The following CBFA2T2 variants were observed in gnomAD, a reference collection of about 807,000 sequenced individuals.
CBFA2T2 encodes protein CBFA2T2.
In CBFA2T2, 11 loss-of-function variants were observed where a neutral mutation model predicts 62.2. That is an observed-to-expected ratio of 0.18 (90% CI 0.11 to 0.29). The LOEUF (loss-of-function observed/expected upper bound fraction) is 0.29, where lower values mean the gene tolerates loss of function less well. CBFA2T2 is among the 10% of genes least tolerant of loss of function. The pLI, the probability that CBFA2T2 is intolerant of heterozygous loss-of-function variation, is 1.00. For missense variants in CBFA2T2, 592 were observed against 774.1 expected (o/e 0.76, Z 2.79); for synonymous variants, 295 against 287.5 (o/e 1.03, Z -0.27).
intron 4 of CBFA2T2, 38 bp from the exon 5 acceptor site, chr20:33,623,077 A>T: frequency 1.2e-6 from 2 of 1,608,562 alleles, no homozygotes; most frequent in South Asian, 1.1e-5. Flanking sequence ...CTTCTTGTGT[A>T]GGGCCTAACA....
intron 3 of CBFA2T2, among the ~76,000 whole-genome samples, chr20:33,616,078 G>GAGATGGAT (rs1491173629): frequency 2.8e-5 from 4 of 143,194 alleles, no homozygotes; most frequent in African/African-American, 1.1e-4. Flanking sequence ...TCTGTAGATA[G>GAGATGGAT]AGATAGATAG....
chr20:33,564,370 C>G (rs2013208630), intron 1 of CBFA2T2, among the ~76,000 whole-genome samples: 1 of 151,116 alleles, frequency 6.6e-6, no homozygotes, highest in South Asian at 2.1e-4. Flanking sequence ...TCAAGCTATT[C>G]TGCCTCAGCC....
chr20:33,555,072 G>A lies in CBFA2T2; in HGVS notation c.35-51884G>A, dbSNP rs142042662. Among the ~76,000 whole-genome samples the A allele has an allele frequency of 3.5e-3, 535 of 152,310 alleles. 4 individuals carry two copies. The highest frequency in any genetic ancestry group is 0.012 in the African/African-American group (511 of 41,572). On this transcript the variant is annotated intron_variant, in intron 1 of 10. Transcript: ENST00000342704. The stretch of plus-strand genomic sequence containing the variant: ...AGAAGCAGGCTTTTATAGGCTGAAC[G>A]CTGTAGCAAAGTAAAGGAATTACTT...
rs189020541 is a variant in CBFA2T2, at chr20:33,557,960, C to G, written c.35-48996C>G. Among the ~76,000 whole-genome samples the G allele has an allele frequency of 1.1e-3, 172 of 152,102 alleles. 2 individuals are homozygous for G. In the East Asian group the frequency reaches 0.018, roughly 16 times the overall value. On this transcript the variant is annotated intron_variant, in intron 1 of 10. Coordinates refer to ENST00000342704, the MANE Select transcript of CBFA2T2 (RefSeq NM_001032999.3). ...AAGTGATTCTTCTGCCTAAGCCTCC[C>G]AAGTAGCTGGGATTTCAGGTGCCAG...
chr20:33,562,721 C>T, intron 1 of CBFA2T2: 1 of 968,668 alleles, frequency 1.0e-6, no homozygotes, highest in Non-Finnish European at 1.2e-6. Flanking sequence ...GCACAATTCT[C>T]TGCCTTTCAA....
intron 1 of CBFA2T2, 82 bp downstream of exon 1, chr20:33,490,383 C>G: frequency 8.4e-7 from 1 of 1,195,104 alleles, no homozygotes; most frequent in Non-Finnish European, 1.0e-6. Context: ...CCGAGTGCCC[C>G]GGGCGCGAGG....
intron 1 of CBFA2T2, among the ~76,000 whole-genome samples, chr20:33,498,268 T>C (rs1482585553): frequency 8.7e-5 from 13 of 148,676 alleles, no homozygotes; most frequent in Non-Finnish European, 1.3e-4. Flanking sequence ...TTTTTTGAGA[T>C]GGAGTTTCCC....
intron 1 of CBFA2T2, among the ~76,000 whole-genome samples, chr20:33,576,363 C>T (rs2013826895): frequency 6.6e-6 from 1 of 152,168 alleles, no homozygotes; most frequent in Non-Finnish European, 1.5e-5. Flanking sequence ...GATACTTGCC[C>T]TGCCAGAGTG....
At chr20:33,617,969 T>A (rs1456680572) in intron 3 of CBFA2T2, among the ~76,000 whole-genome samples, 1 of 152,210 alleles carries the variant, frequency 6.6e-6, no homozygotes, top group Non-Finnish European at 1.5e-5. Flanking sequence ...AAATATATGA[T>A]ATAATATGCA....
chr20:33,623,952 TGGA>T (rs1568860600), intron 5 of CBFA2T2: 5 of 452,052 alleles, frequency 1.1e-5, no homozygotes, highest in South Asian at 7.7e-5. Flanking sequence ...TAGAAAGAAT[TGGA>T]AAAAAAAAAA....
At chr20:33,516,056 G>A (rs1206195072) in intron 1 of CBFA2T2, among the ~76,000 whole-genome samples, 4 of 152,042 alleles carry the variant, frequency 2.6e-5, no homozygotes, top group African/African-American at 9.7e-5. Context: ...AGGAGGCTAA[G>A]CCCAGGAGGT....
Position 33,636,705 on chromosome 20 carries a change from A to T in CBFA2T2, c.1294A>T (p.Thr432Ser). Reference sequence around the variant, plus strand: ...CGTACCTGTGGAGTTTTGGAAAAAAACAGGTATGTGTCTGACTGCTTGTAG... The same window carrying T: ...CGTACCTGTGGAGTTTTGGAAAAAATCAGGTATGTGTCTGACTGCTTGTAG... ...GYVPVEFWKK[T>S]EEAVNKVKIQ... The change falls in exon 9 of 11, where the codon ACA becomes TCA. Residue 432 changes from threonine to serine, a missense_variant. Thr to Ser is a moderately conservative substitution (Grantham distance 58). Transcript: ENST00000342704. 2 of 1,611,384 alleles carry T rather than the reference A, an allele frequency of 1.2e-6. No homozygotes were observed. Among genetic ancestry groups the T allele is most frequent in the South Asian group, 1.1e-5 (1 of 91,006 alleles).
Position 33,647,750 on chromosome 20 carries a change from T to C in CBFA2T2, c.*3104T>C, listed in dbSNP as rs147389656. 1.2e-3 allele frequency: 180 copies of C among 152,424 alleles called. No individual in the cohort carries two copies. Among genetic ancestry groups the C allele is most frequent in the African/African-American group, 4.1e-3 (171 of 41,574 alleles). The allele number at this position is 152,424 out of a possible 1,614,324, so 9.4% of individuals were successfully genotyped here. A position where few individuals can be genotyped will look rare whatever the true frequency, so the allele number is the denominator to read the frequency against. On this transcript the variant is annotated 3_prime_UTR_variant, in exon 11 of 11. Coordinates refer to ENST00000342704, the MANE Select transcript of CBFA2T2 (RefSeq NM_001032999.3). ...TTGGTGTGCAGAGCCTGGCCTGCTC[T>C]TGTGGGCTGTGGTTGCTGTGACAGT... is the stretch of plus-strand genomic sequence containing the variant.
chr20:33,540,380 T>C (rs1165945472), intron 1 of CBFA2T2, among the ~76,000 whole-genome samples: 1 of 152,208 alleles, frequency 6.6e-6, no homozygotes, highest in Non-Finnish European at 1.5e-5. Context: ...TATGTAAACC[T>C]GTAATAGTAG....
At chr20:33,519,449 A>G (rs759362432) in intron 1 of CBFA2T2, among the ~76,000 whole-genome samples, 1 of 152,174 alleles carries the variant, frequency 6.6e-6, no homozygotes, top group African/African-American at 2.4e-5. Flanking sequence ...CAGTCTGGGC[A>G]ACAGTGCGAG....
At chr20:33,595,221 T>C (rs116204585) in intron 1 of CBFA2T2, among the ~76,000 whole-genome samples, 1 of 151,922 alleles carries the variant, frequency 6.6e-6, no homozygotes, top group African/African-American at 2.4e-5. Flanking sequence ...TTGAAAAAAT[T>C]TTTTTTTTGA....
intron 1 of CBFA2T2, among the ~76,000 whole-genome samples, chr20:33,509,973 C>G (rs914417868): frequency 6.6e-6 from 1 of 151,930 alleles, no homozygotes; most frequent in African/African-American, 2.4e-5. Flanking sequence ...TGCCCCCTGC[C>G]CCCCACCCCA....
intron 1 of CBFA2T2, among the ~76,000 whole-genome samples, chr20:33,560,741 C>CTATA (rs137879338): frequency 1.3e-5 from 2 of 150,104 alleles, no homozygotes; most frequent in East Asian, 1.9e-4. Context: ...ACCTGTTTGA[C>CTATA]TATATATATA....
At chr20:33,574,613 A>G (rs1417485089) in intron 1 of CBFA2T2, among the ~76,000 whole-genome samples, 1 of 152,252 alleles carries the variant, frequency 6.6e-6, no homozygotes, top group Non-Finnish European at 1.5e-5. Flanking sequence ...AAACGAGTGA[A>G]ACTCCATCTC....
Sources: gnomAD v4.1 joint callset for allele counts (sites outside exome capture counted in the v4.1 genomes callset) on GRCh38, gnomAD v4.1.1 for gene constraint, MANE v1.5 for transcripts, NCBI Gene and HGNC (gene_info 2026-07-23, HGNC 2026-07-21) for gene names.